PAX6: variants seen among roughly 807,000 people sequenced by gnomAD.
PAX6 encodes the protein paired box protein Pax-6.
PAX6 carries 7 observed loss-of-function variants against 60.7 expected under a neutral mutation model. The observed-to-expected ratio is 0.12, with a 90% CI of 0.07 to 0.22. The LOEUF (loss-of-function observed/expected upper bound fraction) is 0.22, where lower values mean the gene tolerates loss of function less well. Among genes scored for constraint, PAX6 ranks in the 10% least tolerant of loss-of-function variants. The pLI, the probability that PAX6 is intolerant of heterozygous loss-of-function variation, is 1.00. For synonymous variants in PAX6, 208 were observed against 201.2 expected (o/e 1.03, Z -0.29); for missense variants, 355 against 555.2 (o/e 0.64, Z 3.62).
chr11:31,814,771 C>G (rs1957292709), upstream of PAX6: 2 of 152,548 alleles, frequency 1.3e-5, no homozygotes, highest in South Asian at 2.1e-4. Context: ...AGCAACCTGC[C>G]GGTTCCCGCT....
At chr11:31,801,025 T>G (rs1953658620) in intron 7 of PAX6, 169 bp from the exon 8 acceptor site, 2 of 809,976 alleles carry the variant, frequency 2.5e-6, no homozygotes, top group African/African-American at 3.4e-5. Flanking sequence ...AAATGATAGC[T>G]ATCACTTTGG....
chr11:31,803,846 T>G (rs1456540209), intron 4 of PAX6: 2 of 152,348 alleles, frequency 1.3e-5, no homozygotes, highest in African/African-American at 4.8e-5. Context: ...GGTCCAACCT[T>G]AGAGAATAGG....
At chr11:31,790,608 G>A (rs1949578503) in intron 13 of PAX6, 102 bp downstream of exon 13, 3 of 1,571,722 alleles carry the variant, frequency 1.9e-6, no homozygotes, top group South Asian at 1.1e-5. Flanking sequence ...AGGAAAGCAA[G>A]GAGTTAAACA....
chr11:31,803,054 G>A (rs926334299), intron 4 of PAX6: 2 of 603,122 alleles, frequency 3.3e-6, no homozygotes, highest in Non-Finnish European at 3.0e-6. Flanking sequence ...CCCTGCTATC[G>A]ATCAAATAAA....
At chr11:31,804,620 G>C (rs1955188076) in intron 4 of PAX6, 1 of 152,398 alleles carries the variant, frequency 6.6e-6, no homozygotes, top group South Asian at 2.1e-4. Context: ...TCCTTTTATT[G>C]CCTTCCTTTG....
intron 12 of PAX6, 37 bp downstream of exon 12, chr11:31,793,401 G>T: frequency 6.4e-7 from 1 of 1,574,728 alleles, no homozygotes; most frequent in Non-Finnish European, 8.7e-7. Flanking sequence ...ACTTCTCTGG[G>T]GCCTGGGTTA....
intron 8 of PAX6, among the ~76,000 whole-genome samples, chr11:31,800,082 C>A (rs1565230078): frequency 6.6e-6 from 1 of 151,980 alleles, no homozygotes. Flanking sequence ...AGTATCTTCA[C>A]CTCACCACTT....
chr11:31,789,596 T>A lies in PAX6; in HGVS notation c.*338A>T. The A allele has an allele frequency of 1.7e-6, 1 of 603,290 alleles. No homozygotes were observed. 37.4% of individuals were successfully genotyped at this position (603,290 alleles called of 1,614,324 possible). A position where few individuals can be genotyped will look rare whatever the true frequency, so the allele number is the denominator to read the frequency against. The stretch of plus-strand genomic sequence containing the variant: ...TCTTTTTAAAAAAAAAAAAAACAAC[T>A]TCATGACCAACACAGATCAAACATC... On this transcript the variant is annotated 3_prime_UTR_variant, in exon 14 of 14. Coordinates refer to ENST00000640368, the MANE Select transcript of PAX6 (RefSeq NM_001368894.2).
intron 2 of PAX6, chr11:31,810,119 CTGG>C (rs1956738793): frequency 6.6e-6 from 1 of 152,366 alleles, no homozygotes; most frequent in African/African-American, 2.4e-5. Flanking sequence ...CCGCCTTGGC[CTGG>C]TGGCTTCCTT....
At chr11:31,800,993 A>G in intron 7 of PAX6, 137 bp from the exon 8 acceptor site, 1 of 904,690 alleles carries the variant, frequency 1.1e-6, no homozygotes, top group Non-Finnish European at 1.8e-6. Flanking sequence ...CAGTGGGTGG[A>G]TTTGCAGATA....
Position 31,811,267 on chromosome 11 carries a change from A to T in PAX6, c.-469T>A, listed in dbSNP as rs1956990923. ...CCTCCTGCGCCTGAACCAGAGCGGGAAATGAGGCCGAGCCACGGTTCCCTT... is the reference window on the plus strand; with the variant it reads ...CCTCCTGCGCCTGAACCAGAGCGGGTAATGAGGCCGAGCCACGGTTCCCTT... On this transcript the variant is annotated 5_prime_UTR_variant, in exon 1 of 14. Transcript: ENST00000640368. 4 of 398,988 alleles carry T rather than the reference A, an allele frequency of 1.0e-5. No individual in the cohort carries two copies. The highest frequency in any genetic ancestry group is 1.8e-5 in the Non-Finnish European group (4 of 226,160). 24.7% of individuals were successfully genotyped at this position (398,988 alleles called of 1,614,324 possible).
At chr11:31,801,337 G>A (rs1565236738) in intron 7 of PAX6, 1 of 1,446,848 alleles carries the variant, frequency 6.9e-7, no homozygotes, top group Non-Finnish European at 9.0e-7. Context: ...CTGTTTTGCA[G>A]CATGCAAATG....
Position 31,790,741 on chromosome 11 carries a change from C to G in PAX6, c.1194G>C (p.Gln398His). Residue 398 changes from glutamine to histidine, a missense_variant, in exon 13 of 14, where the codon CAG becomes CAC. Gln to His is a conservative substitution (Grantham distance 24, BLOSUM62 0). Transcript: ENST00000640368. ...PPHMQTHMNS[Q>H]PMGTSGTTST... Reference sequence around the variant, plus strand: ...AAGTGGTGCCCGAGGTGCCCATTGGCTGACTGTTCATGTGTGTCTGCATAT... The same window carrying G: ...AAGTGGTGCCCGAGGTGCCCATTGGGTGACTGTTCATGTGTGTCTGCATAT... 6.2e-7 allele frequency: 1 copy of G among 1,614,096 alleles called. No individual in the cohort carries two copies. The highest frequency in any genetic ancestry group is 1.1e-5 in the South Asian group (1 of 91,080).
At chr11:31,808,357 T>C (rs1368137753) in intron 2 of PAX6, 3 of 152,120 alleles carry the variant, frequency 2.0e-5, no homozygotes, top group Non-Finnish European at 4.4e-5. Context: ...CAGCAGAGGG[T>C]TACTAGTTAC....
At chr11:31,806,671 G>A in intron 3 of PAX6, 178 bp downstream of exon 3, 1 of 548,566 alleles carries the variant, frequency 1.8e-6, no homozygotes, top group Non-Finnish European at 3.2e-6. Flanking sequence ...CAAAGTACTG[G>A]AATATCCCCA....
upstream of PAX6, chr11:31,811,547 GCACGCCGAGATTCGGCGCGGCCCGCC>G (rs1957020820): frequency 4.1e-6 from 1 of 246,350 alleles, no homozygotes; most frequent in African/African-American, 2.2e-5. Flanking sequence ...CCCGCTCCGC[GCACGCCGAGATTCGGCGCGGCCCGCC>G]CTGCTGCCGC....
chr11:31,810,925 G>A lies in PAX6; in HGVS notation c.-226C>T. 2.5e-6 allele frequency: 1 copy of A among 399,248 alleles called. No individual in the cohort carries two copies. Among genetic ancestry groups the A allele is most frequent in the Non-Finnish European group, 4.4e-6 (1 of 226,124 alleles). 24.7% of individuals were successfully genotyped at this position (399,248 alleles called of 1,614,324 possible). ...CTGTTGTTGCTTGAAGACCACAATG[G>A]TTTGAAATGACGGTGTTTTAAAGGA... On this transcript the variant is annotated 5_prime_UTR_variant, in exon 2 of 14. Transcript: ENST00000640368.
At chr11:31,790,297 CT>C in intron 13 of PAX6, 1 of 607,306 alleles carries the variant, frequency 1.6e-6, no homozygotes, top group Non-Finnish European at 2.5e-6. Flanking sequence ...ATGTTTGGAA[CT>C]TTTACAATAA....
chr11:31,790,097 CAAAAAAAAA>C (rs1171009926), intron 13 of PAX6, 78 bp from the exon 14 acceptor site: 36 of 145,364 alleles, frequency 2.5e-4, no homozygotes, highest in East Asian at 1.2e-3. Flanking sequence ...TATAGGTTTA[CAAAAAAAAA>C]AAAAAAAAAA....
Sources: allele counts gnomAD v4.1 joint callset (sites outside exome capture counted in the v4.1 genomes callset), GRCh38; gene constraint gnomAD v4.1.1; transcripts MANE v1.5; gene names NCBI Gene and HGNC (gene_info 2026-07-23, HGNC 2026-07-21).